NME5: variants seen among roughly 807,000 people sequenced by gnomAD.
NME5 encodes the protein nucleoside diphosphate kinase 5.
In NME5, 18 loss-of-function variants were observed where a neutral mutation model predicts 21.6. That is an observed-to-expected ratio of 0.83 (90% CI 0.58 to 1.24). The LOEUF is 1.24. Among genes scored for constraint, NME5 ranks in the 50% most tolerant of loss-of-function variants. The pLI, the probability that NME5 is intolerant of heterozygous loss-of-function variation, is 0.00. For missense variants in NME5, 223 were observed against 255.4 expected (o/e 0.87, Z 0.86); for synonymous variants, 70 against 80.6 (o/e 0.87, Z 0.71).
chr5:138,131,553 T>TAA (rs1212578056), intron 2 of NME5, among the ~76,000 whole-genome samples: 1 of 140,036 alleles, frequency 7.1e-6, no homozygotes, highest in African/African-American at 2.6e-5. Context: ...AGACTCTGTC[T>TAA]AAAAAAAAAA....
rs898411495 is a variant in NME5, at chr5:138,136,652, AT to A, written c.129+1999del. ...TATAATCTTTTTTTAAATTAAAAAA[AT>A]TTTTTTTTTCGAGAGTTTCGCTCTT... On this transcript the variant is annotated intron_variant, in intron 2 of 5. Transcript: ENST00000265191. Among the ~76,000 whole-genome samples, 115 of 150,298 alleles carry A rather than the reference AT, an allele frequency of 7.7e-4. 1 individual carries two copies. The highest frequency in any genetic ancestry group is 3.4e-3 in the Middle Eastern group (1 of 290).
chr5:138,136,615 ATT>A (rs1256094636), intron 2 of NME5, among the ~76,000 whole-genome samples: 1 of 151,746 alleles, frequency 6.6e-6, no homozygotes, highest in Admixed American at 6.6e-5. Context: ...TTGTGCAGAA[ATT>A]TTTTGTTTAT....
At chr5:138,130,164 T>TA (rs1177034771) in intron 2 of NME5, among the ~76,000 whole-genome samples, 8 of 152,308 alleles carry the variant, frequency 5.3e-5, no homozygotes, top group Admixed American at 2.0e-4. Context: ...ATGCCTATAA[T>TA]CCCAGCATTT....
intron 2 of NME5, among the ~76,000 whole-genome samples, chr5:138,133,758 C>T (rs1751626170): frequency 6.6e-6 from 1 of 152,140 alleles, no homozygotes; most frequent in Non-Finnish European, 1.5e-5. Flanking sequence ...TGCATAATTT[C>T]ACTTAAATTA....
At chr5:138,118,430 C>T (rs1018091821) in intron 5 of NME5, among the ~76,000 whole-genome samples, 3 of 150,888 alleles carry the variant, frequency 2.0e-5, no homozygotes, top group African/African-American at 4.9e-5. Flanking sequence ...CAGCTATATT[C>T]GCAGTATTTC....
intron 4 of NME5, among the ~76,000 whole-genome samples, chr5:138,122,208 G>A (rs1259946103): frequency 6.6e-6 from 1 of 151,984 alleles, no homozygotes. Context: ...GGAGGCCAAG[G>A]CGGGTGGATC....
intron 2 of NME5, among the ~76,000 whole-genome samples, chr5:138,134,414 T>C (rs1323454282): frequency 6.6e-6 from 1 of 152,090 alleles, no homozygotes; most frequent in African/African-American, 2.4e-5. Flanking sequence ...CGGCTAATTT[T>C]TGTGTTTTTA....
intron 4 of NME5, among the ~76,000 whole-genome samples, chr5:138,120,539 C>T (rs1365795464): frequency 1.3e-5 from 2 of 152,070 alleles, no homozygotes; most frequent in African/African-American, 4.8e-5. Flanking sequence ...CGCCCAGCCT[C>T]TTTTCACATT....
At position 138,136,904 on chromosome 5, in the gene NME5, A is replaced by G. The variant is rs367984986; in HGVS notation, c.129+1748T>C. Among the ~76,000 whole-genome samples the G allele has an allele frequency of 7.5e-4, 114 of 152,062 alleles. 2 individuals carry two copies. The highest frequency in any genetic ancestry group is 6.8e-3 in the South Asian group (33 of 4,822). On this transcript the variant is annotated intron_variant, in intron 2 of 5. Coordinates refer to ENST00000265191, the MANE Select transcript of NME5 (RefSeq NM_003551.3). ...GTGATCAACTCACCTTGGCCTCCCA[A>G]AGTTTTGGGATTACAGGCATGAGCC... is the stretch of plus-strand genomic sequence containing the variant.
Position 138,139,345 on chromosome 5 carries a change from GAATTTGACCCTCTCT to G in NME5, c.-6+11_-6+25del. The stretch of plus-strand genomic sequence containing the variant: ...TTTCCGGGTTGCACCTGCAAATTCT[GAATTTGACCCTCTCT>G]AAGTACTCACCTCAGCGGCCGTCCT... On this transcript the variant is annotated intron_variant, in intron 1 of 5. Transcript: ENST00000265191. The G allele has an allele frequency of 1.0e-6, 1 of 985,906 alleles. No homozygotes were observed. The highest frequency in any genetic ancestry group is 1.7e-5 in the African/African-American group (1 of 57,368). The allele number at this position is 985,906 out of a possible 1,614,324, so 61.1% of individuals were successfully genotyped here. A position where few individuals can be genotyped will look rare whatever the true frequency, so the allele number is the denominator to read the frequency against.
chr5:138,118,409 G>A (rs1374703406), intron 5 of NME5, among the ~76,000 whole-genome samples: 2 of 152,088 alleles, frequency 1.3e-5, no homozygotes, highest in Non-Finnish European at 2.9e-5. Flanking sequence ...ATAGGCGTGA[G>A]CCACTGCGCC....
intron 2 of NME5, among the ~76,000 whole-genome samples, chr5:138,135,406 C>G (rs1751675756): frequency 6.6e-6 from 1 of 151,340 alleles, no homozygotes; most frequent in Non-Finnish European, 1.5e-5. Flanking sequence ...ACGATCTTGA[C>G]TCACTGCAAC....
At chr5:138,117,873 A>G (rs986976880) in intron 5 of NME5, among the ~76,000 whole-genome samples, 5 of 151,538 alleles carry the variant, frequency 3.3e-5, no homozygotes, top group African/African-American at 1.2e-4. Context: ...AATCCCAGCT[A>G]CTCAGGAGGC....
At chr5:138,138,918 T>C in intron 1 of NME5, 133 bp from the exon 2 acceptor site, 1 of 811,048 alleles carries the variant, frequency 1.2e-6, no homozygotes. Context: ...TTTTATTAAC[T>C]GATGAAGGTA....
chr5:138,116,741 T>C (rs1751165455), intron 5 of NME5: 1 of 153,618 alleles, frequency 6.5e-6, no homozygotes, highest in Admixed American at 6.6e-5. Context: ...TTTTTGACAA[T>C]GGTACCAAGC....
chr5:138,119,943 ATT>A (rs200143940), intron 4 of NME5, among the ~76,000 whole-genome samples: 3 of 146,292 alleles, frequency 2.1e-5, no homozygotes, highest in Non-Finnish European at 3.0e-5. Context: ...TTTAACTTCT[ATT>A]TTTTTTTTTG....
At chr5:138,124,169 TG>T (rs1459141959) in intron 4 of NME5, among the ~76,000 whole-genome samples, 2 of 151,300 alleles carry the variant, frequency 1.3e-5, no homozygotes, top group Non-Finnish European at 2.9e-5. Context: ...GCTAATTTTT[TG>T]TATTTTTTTT....
chr5:138,137,787 T>C (rs1406529988), intron 2 of NME5, among the ~76,000 whole-genome samples: 3 of 150,980 alleles, frequency 2.0e-5, no homozygotes, highest in African/African-American at 7.3e-5. Flanking sequence ...GATCACGAGG[T>C]CAGGAGTTCA....
In NME5 at chr5:138,138,359, G is replaced by T. The variant is rs555880997; in HGVS notation, c.129+293C>A. On this transcript the variant is annotated intron_variant, in intron 2 of 5. Coordinates refer to ENST00000265191, the MANE Select transcript of NME5 (RefSeq NM_003551.3). ...AAGGGACTGTTCTGTTTTATGGGGG[G>T]AAAATGTTTATAAATGCATAGAAAA... The T allele has an allele frequency of 3.4e-5, 10 of 295,468 alleles. 1 individual carries two copies. In the South Asian group the frequency reaches 3.6e-4, roughly 11 times the overall value. The allele number at this position is 295,468 out of a possible 1,614,324, so 18.3% of individuals were successfully genotyped here.
Sources: allele counts gnomAD v4.1 joint callset (sites outside exome capture counted in the v4.1 genomes callset), GRCh38; gene constraint gnomAD v4.1.1; transcripts MANE v1.5; gene names NCBI Gene and HGNC (gene_info 2026-07-23, HGNC 2026-07-21).